APC: variants seen among roughly 807,000 people sequenced by gnomAD.
The protein encoded by APC is adenomatous polyposis coli protein.
Under a neutral mutation model 247.0 loss-of-function variants are expected in APC, and 72 were observed. The ratio of observed to expected loss-of-function variants is 0.29; its 90% CI spans 0.24 to 0.35. The LOEUF (loss-of-function observed/expected upper bound fraction) is 0.35, where lower values mean the gene tolerates loss of function less well. Among genes scored for constraint, APC ranks in the 10% least tolerant of loss-of-function variants. The probability of loss-of-function intolerance (pLI) is 1.00; values close to 1 mark genes in which losing one functional copy is unlikely to be tolerated. For synonymous variants in APC, 1,254 were observed against 1,162.5 expected (o/e 1.08, Z -1.60); for missense variants, 3,400 against 3,360.7 (o/e 1.01, Z -0.29).
exon 1 of APC, chr5:112,707,763 T>A (rs1554060278): frequency 7.3e-7 from 1 of 1,370,490 alleles, no homozygotes; most frequent in Non-Finnish European, 9.6e-7. Context: ...TTTGCCCGCT[T>A]CTGTACCACC....
upstream of APC, among the ~76,000 whole-genome samples, chr5:112,735,086 T>C (rs539628557): frequency 6.6e-6 from 1 of 152,282 alleles, no homozygotes; most frequent in African/African-American, 2.4e-5. Flanking sequence ...AAGCTGGTTA[T>C]AACAAACACT....
intron 1 of APC, among the ~76,000 whole-genome samples, chr5:112,709,531 A>G (rs771729625): frequency 2.0e-5 from 3 of 152,196 alleles, no homozygotes; most frequent in East Asian, 1.9e-4. Context: ...CTGAGCCCCA[A>G]TCAGTGGCTC....
chr5:112,836,165 T>TTCCCCCCCCCCCCCCCCC lies in APC; in HGVS notation c.1958+1000_1958+1001insTCCCCCCCCCCCCCCCCC. 3.1e-3 allele frequency among the ~76,000 whole-genome samples: 77 copies of TTCCCCCCCCCCCCCCCCC among 24,492 alleles called. 22 individuals carry two copies. Among genetic ancestry groups the TTCCCCCCCCCCCCCCCCC allele is most frequent in the East Asian group, 0.014 (4 of 280 alleles). 16.1% of individuals were successfully genotyped at this position (24,492 alleles called of 152,430 possible). ...CCTCCCGAGTAGCTGGGATTACAGG[T>TTCCCCCCCCCCCCCCCCC]CCCCCCCCCCCCCCGCCACCGTGCC... On this transcript the variant is annotated intron_variant, in intron 15 of 15. Coordinates refer to ENST00000257430, the MANE Select transcript of APC (RefSeq NM_000038.6).
intron 5 of APC, among the ~76,000 whole-genome samples, chr5:112,776,342 G>T (rs1044574932): frequency 2.6e-5 from 4 of 152,154 alleles, no homozygotes; most frequent in Non-Finnish European, 4.4e-5. Flanking sequence ...GATCGAACCT[G>T]CATATAATGA....
chr5:112,733,804 C>G (rs1752219410), upstream of APC, among the ~76,000 whole-genome samples: 1 of 152,196 alleles, frequency 6.6e-6, no homozygotes, highest in Non-Finnish European at 1.5e-5. Flanking sequence ...CCTCAGGGCA[C>G]TCCATGACTA....
Position 112,837,981 on chromosome 5 carries a change from A to G in APC, c.2387A>G (p.Tyr796Cys), listed in dbSNP as rs1765168531. Residue 796 changes from tyrosine (Y) to cysteine (C), a missense_variant, in exon 16 of 16, where the codon TAT (tyrosine) becomes TGT (cysteine). Physicochemically the swap from Tyr to Cys is radical, Grantham distance 194. Coordinates refer to ENST00000257430, the MANE Select transcript of APC (RefSeq NM_000038.6). The part of the protein sequence containing the change: ...RSKQRHKQSL[Y>C]GDYVFDTNRH... The stretch of plus-strand genomic sequence containing the variant: ...AAGCAGAGACACAAGCAAAGTCTCT[A>G]TGGTGATTATGTTTTTGACACCAAT... 4.3e-6 allele frequency: 7 copies of G among 1,614,174 alleles called. No individual in the cohort carries two copies. In the South Asian group the frequency reaches 4.4e-5, roughly 10 times the overall value.
In APC at chr5:112,842,482, T is replaced by G. The variant is rs761326016; in HGVS notation, c.6888T>G (p.Ser2296Arg). 6.2e-7 allele frequency: 1 copy of G among 1,613,962 alleles called. No individual in the cohort carries two copies. Among genetic ancestry groups the G allele is most frequent in the Non-Finnish European group, 8.5e-7 (1 of 1,179,944 alleles). ...AGACATCCCAAATAGGTGGGTCAAG[T>G]AAAGCACCTTCTAGATCAGGATCTA... ...ARQTSQIGGS[S>R]KAPSRSGSRD... is the part of the protein sequence containing the mutation. Residue 2296 changes from serine to arginine, a missense_variant, in exon 16 of 16, where the codon AGT becomes AGG. This residue lies in a region of APC where 1,788 missense variants were observed against 1,649.5 expected (regional missense o/e 1.08). Coordinates refer to ENST00000257430, the MANE Select transcript of APC (RefSeq NM_000038.6).
At chr5:112,742,214 A>G (rs1399657700) in intron 1 of APC, among the ~76,000 whole-genome samples, 1 of 152,096 alleles carries the variant, frequency 6.6e-6, no homozygotes, top group African/African-American at 2.4e-5. Context: ...CTTTATGTCC[A>G]TCTAGTTTGT....
intron 1 of APC, among the ~76,000 whole-genome samples, chr5:112,709,926 A>C (rs2149635623): frequency 6.6e-6 from 1 of 151,090 alleles, no homozygotes; most frequent in East Asian, 2.0e-4. Context: ...AAACCCTCTC[A>C]CTCTTCCACT....
At chr5:112,771,576 C>G (rs1757047229) in intron 4 of APC, among the ~76,000 whole-genome samples, 2 of 152,228 alleles carry the variant, frequency 1.3e-5, no homozygotes, top group Admixed American at 1.3e-4. Context: ...TCTTCATTAT[C>G]AAGGTACCAA....
In APC at chr5:112,841,018, C is replaced by T. The variant is rs747721259; in HGVS notation, c.5424C>T (p.Asn1808=). The change falls in exon 16 of 16, where the codon AAC becomes AAT. Residue 1808 remains asparagine (N), a synonymous_variant. Transcript: ENST00000257430. This position sits in a 1 kb window ranked among gnomAD's most constrained non-coding sequence, Gnocchi z 4.6. ...NLNAERVFSD[N]KDSKKQNLKN... ...ATGCTGAGAGAGTTTTCTCAGACAA[C>T]AAAGATTCAAAGAAACAGAATTTGA... is the stretch of plus-strand genomic sequence containing the variant. 13 of 1,610,252 alleles carry T rather than the reference C, an allele frequency of 8.1e-6. No homozygotes were observed. In the East Asian group the frequency reaches 2.5e-4, roughly 30 times the overall value.
intron 7 of APC, among the ~76,000 whole-genome samples, chr5:112,799,372 T>C (rs533483381): frequency 2.8e-4 from 43 of 152,090 alleles, no homozygotes; most frequent in Middle Eastern, 6.8e-3. Context: ...CTAAGGAATG[T>C]AGGAGTAATA....
At chr5:112,790,385 G>C (rs901976960) in intron 6 of APC, among the ~76,000 whole-genome samples, 1 of 152,060 alleles carries the variant, frequency 6.6e-6, no homozygotes, top group African/African-American at 2.4e-5. Flanking sequence ...GAGTGCTGTA[G>C]CATGATCTCA....
intron 2 of APC, among the ~76,000 whole-genome samples, chr5:112,764,483 A>G (rs1048845224): frequency 1.3e-5 from 2 of 152,218 alleles, no homozygotes; most frequent in Admixed American, 1.3e-4. Context: ...TTTGAGCTGG[A>G]GGAGAAAGAG....
At chr5:112,740,524 CTTTTTTT>C (rs11286305) in intron 1 of APC, among the ~76,000 whole-genome samples, 1 of 99,136 alleles carries the variant, frequency 1.0e-5, no homozygotes, top group Non-Finnish European at 1.9e-5. Flanking sequence ...GTTTTTTTTT[CTTTTTTT>C]TTTTTTTTTT....
At chr5:112,784,853 T>C (rs1758768955) in intron 6 of APC, among the ~76,000 whole-genome samples, 1 of 151,830 alleles carries the variant, frequency 6.6e-6, no homozygotes, top group Admixed American at 6.6e-5. Context: ...AGTGACTGAG[T>C]GAAATAGCTC....
chr5:112,787,143 C>T lies in APC; in HGVS notation c.646-5303C>T, dbSNP rs1009514890. 9.2e-5 allele frequency among the ~76,000 whole-genome samples: 14 copies of T among 152,270 alleles called. No homozygotes were observed. The East Asian group carries it at 2.7e-3, about 29-fold the overall frequency. On this transcript the variant is annotated intron_variant, in intron 6 of 15. Coordinates refer to ENST00000257430, the MANE Select transcript of APC (RefSeq NM_000038.6). ...CCTCAGGTGATCCACCTGCCTCAGCCTCCCAAAATGTTGAGATTACAGGCG... is the reference window on the plus strand; with the variant it reads ...CCTCAGGTGATCCACCTGCCTCAGCTTCCCAAAATGTTGAGATTACAGGCG...
chr5:112,815,244 C>T (rs1278954730), intron 8 of APC, among the ~76,000 whole-genome samples: 2 of 152,146 alleles, frequency 1.3e-5, no homozygotes, highest in South Asian at 4.1e-4. Context: ...AGAATTTCTT[C>T]AGTCTTTGGT....
At chr5:112,719,895 T>G (rs1751389343) in intron 1 of APC, among the ~76,000 whole-genome samples, 1 of 152,222 alleles carries the variant, frequency 6.6e-6, no homozygotes, top group Non-Finnish European at 1.5e-5. Flanking sequence ...GGTGTCATGA[T>G]TTTTATTTTT....
Sources: allele counts gnomAD v4.1 joint callset (sites outside exome capture counted in the v4.1 genomes callset), GRCh38; gene constraint gnomAD v4.1.1; regional missense constraint gnomAD v4.1.1; non-coding constraint Gnocchi (gnomAD v3.1); transcripts MANE v1.5; gene names NCBI Gene and HGNC (gene_info 2026-07-23, HGNC 2026-07-21).